FARP1: variants seen among roughly 807,000 people sequenced by gnomAD.
FARP1 encodes the protein FERM, ARH/RhoGEF and pleckstrin domain protein 1.
FARP1 carries 52 observed loss-of-function variants against 128.8 expected under a neutral mutation model. The ratio of observed to expected loss-of-function variants is 0.40; its 90% CI spans 0.32 to 0.51. FARP1 has a LOEUF of 0.51. Among genes scored for constraint, FARP1 ranks in the 20% least tolerant of loss-of-function variants. FARP1 has a pLI of 0.45. For synonymous variants in FARP1, 580 were observed against 551.8 expected (o/e 1.05, Z -0.72); for missense variants, 1,333 against 1,367.9 (o/e 0.97, Z 0.40).
intron 2 of FARP1, among the ~76,000 whole-genome samples, chr13:98,312,311 T>G (rs902022431): frequency 7.9e-5 from 12 of 151,940 alleles, no homozygotes; most frequent in African/African-American, 2.9e-4. Flanking sequence ...TGGCTAATTT[T>G]TGTATTTTTA....
At chr13:98,339,983 T>A (rs553024073) in intron 2 of FARP1, among the ~76,000 whole-genome samples, 46 of 152,158 alleles carry the variant, frequency 3.0e-4, no homozygotes, top group Non-Finnish European at 1.3e-4. Flanking sequence ...CGCTGCTGAC[T>A]CGTTGGAGTA....
intron 16 of FARP1, among the ~76,000 whole-genome samples, chr13:98,415,504 G>A (rs1891340476): frequency 6.6e-6 from 1 of 152,170 alleles, no homozygotes. Context: ...TTTGCCCATG[G>A]GGGACTTGCA....
intron 16 of FARP1, among the ~76,000 whole-genome samples, chr13:98,413,148 A>G (rs1891254369): frequency 6.6e-6 from 1 of 152,142 alleles, no homozygotes. Flanking sequence ...GGCTTTGTAC[A>G]TTTTTTATAC....
Position 98,453,206 on chromosome 13 carries a change from G to C in FARP1, c.*4889G>C. ...ATGAAGTTCCTCCACCACTTAGAGA[G>C]TATCTAGGGAAAAAGAGAGAGAGAG... is the stretch of plus-strand genomic sequence containing the variant. On this transcript the variant is annotated 3_prime_UTR_variant, in exon 27 of 27. Transcript: ENST00000319562. 1 of 1,613,150 alleles carries C rather than the reference G, an allele frequency of 6.2e-7. No homozygotes were observed. Among genetic ancestry groups the C allele is most frequent in the East Asian group, 2.2e-5 (1 of 44,828 alleles).
At chr13:98,143,076 G>A (rs1875166742), upstream of FARP1, 1 of 147,988 alleles carries the variant, frequency 6.8e-6, no homozygotes, top group Admixed American at 6.7e-5. Context: ...CCAGACCCGG[G>A]GAGGGGCGGT....
chr13:98,220,107 G>A (rs189501058), intron 2 of FARP1, among the ~76,000 whole-genome samples: 1 of 152,018 alleles, frequency 6.6e-6, no homozygotes, highest in Non-Finnish European at 1.5e-5. Context: ...AAGGTCTTGA[G>A]GGGGCGGGGT....
intron 1 of FARP1, among the ~76,000 whole-genome samples, chr13:98,188,769 A>G (rs1229438921): frequency 6.6e-6 from 1 of 152,122 alleles, no homozygotes; most frequent in Admixed American, 6.5e-5. Flanking sequence ...TCCTTCCTTG[A>G]GAGAAGTCCC....
chr13:98,379,625 A>G lies in FARP1; in HGVS notation c.496+1707A>G, dbSNP rs115381311. Among the ~76,000 whole-genome samples the G allele has an allele frequency of 4.1e-3, 626 of 152,254 alleles. 5 individuals are homozygous for G. The highest frequency in any genetic ancestry group is 0.014 in the African/African-American group (583 of 41,538). On this transcript the variant is annotated intron_variant, in intron 6 of 26. Transcript: ENST00000319562. ...TGCAGGACCTCCCAAGGACACCAAA[A>G]ACTGAGGATGCTCACGTCCCTGATA...
intron 2 of FARP1, among the ~76,000 whole-genome samples, chr13:98,271,459 A>T (rs1009337708): frequency 2.0e-5 from 3 of 152,174 alleles, no homozygotes; most frequent in African/African-American, 4.8e-5. Context: ...TTTGTTACAT[A>T]GGTATACATG....
chr13:98,299,378 C>G (rs940673932), intron 2 of FARP1, among the ~76,000 whole-genome samples: 1 of 152,194 alleles, frequency 6.6e-6, no homozygotes, highest in Non-Finnish European at 1.5e-5. Flanking sequence ...AAAGCATACT[C>G]TGGCTGGCTC....
chr13:98,195,212 T>A (rs1210327890), intron 1 of FARP1, among the ~76,000 whole-genome samples: 1 of 152,230 alleles, frequency 6.6e-6, no homozygotes, highest in Non-Finnish European at 1.5e-5. Flanking sequence ...CCTGTCCTTT[T>A]GGCTGGAAAG....
chr13:98,446,174 A>T lies in FARP1; in HGVS notation c.2873A>T (p.Asn958Ile). The change falls in exon 25 of 27, where the codon AAC becomes ATC. Residue 958 changes from asparagine (N) to isoleucine (I), a missense_variant. Physicochemically the swap from Asn to Ile is moderately radical, Grantham distance 149. Transcript: ENST00000319562. ...GWQKLWVVFT[N>I]FCLFFYKSHQ... is the part of the protein sequence containing the mutation. The stretch of plus-strand genomic sequence containing the variant: ...CAGAAGCTGTGGGTGGTGTTCACAA[A>T]CTTCTGCCTGTTCTTCTACAAATCA... The T allele has an allele frequency of 6.2e-7, 1 of 1,613,674 alleles. No homozygotes were observed. Among genetic ancestry groups the T allele is most frequent in the Non-Finnish European group, 8.5e-7 (1 of 1,179,620 alleles).
chr13:98,359,212 G>C (rs1443363761), intron 3 of FARP1, among the ~76,000 whole-genome samples: 1 of 152,142 alleles, frequency 6.6e-6, no homozygotes, highest in Non-Finnish European at 1.5e-5. Context: ...TAAGCCCTCT[G>C]AGCTTGCCTT....
chr13:98,242,926 G>T (rs1882855724), intron 2 of FARP1, among the ~76,000 whole-genome samples: 1 of 152,122 alleles, frequency 6.6e-6, no homozygotes, highest in Non-Finnish European at 1.5e-5. Flanking sequence ...AAGAACTTAG[G>T]TTGTAGGCAT....
intron 2 of FARP1, among the ~76,000 whole-genome samples, chr13:98,301,642 A>C (rs1312228400): frequency 6.6e-6 from 1 of 152,112 alleles, no homozygotes; most frequent in Admixed American, 6.5e-5. Context: ...TTTAGAGGGG[A>C]TAGAACCTAA....
chr13:98,348,266 C>T (rs751768509), intron 3 of FARP1, among the ~76,000 whole-genome samples: 5 of 152,222 alleles, frequency 3.3e-5, no homozygotes, highest in Admixed American at 6.5e-5. Context: ...TTGTCCAGCA[C>T]TGTCCCTAAA....
intron 1 of FARP1, among the ~76,000 whole-genome samples, chr13:98,163,597 C>T (rs139193083): frequency 0.014 from 2,182 of 151,028 alleles, 43 homozygotes; most frequent in African/African-American, 0.049. Context: ...AGTGCAGTGG[C>T]GTGATCTAGA....
intron 2 of FARP1, among the ~76,000 whole-genome samples, chr13:98,270,748 T>C (rs1294651783): frequency 6.6e-6 from 1 of 152,228 alleles, no homozygotes; most frequent in Non-Finnish European, 1.5e-5. Flanking sequence ...ACAGATTTCT[T>C]AGCCTGAGAA....
intron 3 of FARP1, among the ~76,000 whole-genome samples, chr13:98,355,437 T>G (rs989919785): frequency 2.0e-5 from 3 of 152,202 alleles, no homozygotes; most frequent in African/African-American, 7.2e-5. Flanking sequence ...TGGAAATGTA[T>G]GTACTAAGGC....
Sources: gnomAD v4.1 joint callset for allele counts (sites outside exome capture counted in the v4.1 genomes callset) on GRCh38, gnomAD v4.1.1 for gene constraint, MANE v1.5 for transcripts, NCBI Gene and HGNC (gene_info 2026-07-23, HGNC 2026-07-21) for gene names.